The following SYNPO variants were observed in gnomAD, a reference collection of about 807,000 sequenced individuals.
SYNPO encodes the protein synaptopodin.
SYNPO carries 19 observed loss-of-function variants against 49.5 expected under a neutral mutation model. The ratio of observed to expected loss-of-function variants is 0.38; its 90% CI spans 0.27 to 0.56. SYNPO has a LOEUF of 0.56. SYNPO is among the 20% of genes least tolerant of loss of function. SYNPO has a pLI of 0.68. For synonymous variants in SYNPO, 536 were observed against 548.0 expected (o/e 0.98, Z 0.31); for missense variants, 1,131 against 1,248.3 (o/e 0.91, Z 1.42).
upstream of SYNPO, among the ~76,000 whole-genome samples, chr5:150,637,406 T>C (rs1326163471): frequency 3.9e-5 from 6 of 152,130 alleles, no homozygotes; most frequent in African/African-American, 1.4e-4. Flanking sequence ...TGATGAAAAA[T>C]GATAACACTG....
At chr5:150,623,832 G>A (rs143045525) in intron 2 of SYNPO, among the ~76,000 whole-genome samples, 2 of 152,228 alleles carry the variant, frequency 1.3e-5, no homozygotes, top group Non-Finnish European at 2.9e-5. Context: ...CCTGGTCAAG[G>A]GGGTGGGGAA....
At chr5:150,586,530 G>A in the SYNPO span, among the ~76,000 whole-genome samples, 1 of 152,014 alleles carries the variant, frequency 6.6e-6, no homozygotes, top group African/African-American at 2.4e-5. Flanking sequence ...GGGTAGGTAG[G>A]TGGATAAATA....
intron 2 of SYNPO, among the ~76,000 whole-genome samples, chr5:150,622,775 C>T (rs559282047): frequency 6.6e-5 from 10 of 152,218 alleles, no homozygotes; most frequent in Non-Finnish European, 1.3e-4. Flanking sequence ...AAGCTGCCTA[C>T]TCCCCCTCCA....
chr5:150,648,842 C>T lies in SYNPO; in HGVS notation c.567C>T (p.Ser189=). ...SSRPPASDFM[S]SSLLIDIQPN... ...GGCCCCCAGCCTCAGATTTCATGTC[C>T]AGCTCCCTGCTCATTGACATCCAGC... Residue 189 remains serine, a synonymous_variant, in exon 2 of 3, where the codon TCC becomes TCT. Transcript: ENST00000307662. The surrounding 1 kb of genome is among the most constrained non-coding windows in gnomAD (Gnocchi z 5.0). 1 of 1,614,242 alleles carries T rather than the reference C, an allele frequency of 6.2e-7. No individual in the cohort carries two copies. Among genetic ancestry groups the T allele is most frequent in the Non-Finnish European group, 8.5e-7 (1 of 1,180,038 alleles).
At chr5:150,597,646 T>G (rs1032220847), upstream of SYNPO, among the ~76,000 whole-genome samples, 3 of 150,694 alleles carry the variant, frequency 2.0e-5, no homozygotes, top group Non-Finnish European at 4.4e-5. Context: ...GTTTTTCTGG[T>G]TTTTGTTTTT....
chr5:150,621,255 A>G (rs896583907), intron 2 of SYNPO, among the ~76,000 whole-genome samples: 3 of 152,110 alleles, frequency 2.0e-5, no homozygotes, highest in African/African-American at 7.2e-5. Flanking sequence ...ACCAGGCCTC[A>G]TTCCTTTCTT....
chr5:150,631,351 A>AGGGCCTTGG (rs1757530468), intron 2 of SYNPO, among the ~76,000 whole-genome samples: 2 of 152,212 alleles, frequency 1.3e-5, no homozygotes, highest in Non-Finnish European at 2.9e-5. Flanking sequence ...ACCTGTGAAC[A>AGGGCCTTGG]GACCTGAAGG....
upstream of SYNPO, chr5:150,640,184 G>A: frequency 1.0e-6 from 1 of 985,208 alleles, no homozygotes; most frequent in South Asian, 4.7e-5. Context: ...AATACACAAG[G>A]TGGTGGTTAT....
chr5:150,648,573 C>T lies in SYNPO; in HGVS notation c.298C>T (p.Pro100Ser). Reference protein sequence around the residue: ...NPPATDVNQNPPATVVPQSLP... With the variant: ...NPPATDVNQNSPATVVPQSLP... ...GCCAGCCACCGATGTCAATCAGAAC[C>T]CACCGGCAACTGTTGTCCCACAGAG... Residue 100 changes from proline to serine, a missense_variant, in exon 2 of 3, where the codon CCA becomes TCA. By Grantham distance (74) the Pro-to-Ser change is moderately conservative. This residue lies in a region of SYNPO where 602 missense variants were observed against 720.7 expected (regional missense o/e 0.84). Transcript: ENST00000307662. This position sits in a 1 kb window ranked among gnomAD's most constrained non-coding sequence, Gnocchi z 5.0. 1 of 1,614,196 alleles carries T rather than the reference C, an allele frequency of 6.2e-7. No homozygotes were observed. The highest frequency in any genetic ancestry group is 8.5e-7 in the Non-Finnish European group (1 of 1,180,044).
At chr5:150,635,438 AAGG>A (rs1249758619) in intron 2 of SYNPO, among the ~76,000 whole-genome samples, 3 of 152,228 alleles carry the variant, frequency 2.0e-5, no homozygotes, top group African/African-American at 7.2e-5. Context: ...CAGAGCTCAG[AAGG>A]AGAAGGGCCA....
intron 2 of SYNPO, among the ~76,000 whole-genome samples, chr5:150,634,859 C>T (rs1488608662): frequency 6.4e-5 from 4 of 62,552 alleles, no homozygotes; most frequent in African/African-American, 3.5e-4. Context: ...CACACACACA[C>T]ACACCACACA....
chr5:150,631,715 A>G (rs748722976), intron 2 of SYNPO, among the ~76,000 whole-genome samples: 2 of 151,748 alleles, frequency 1.3e-5, no homozygotes, highest in Non-Finnish European at 2.9e-5. Flanking sequence ...CTATCGACAG[A>G]CCCCATTCAT....
chr5:150,607,983 A>G (rs1029020832), intron 1 of SYNPO, among the ~76,000 whole-genome samples: 4 of 152,270 alleles, frequency 2.6e-5, no homozygotes, highest in Admixed American at 6.5e-5. Context: ...TGGGCTAGCC[A>G]CATTTCAAGT....
At chr5:150,644,094 G>C (rs1273776034) in intron 1 of SYNPO, among the ~76,000 whole-genome samples, 1 of 150,990 alleles carries the variant, frequency 6.6e-6, no homozygotes, top group Non-Finnish European at 1.5e-5. Flanking sequence ...AGGATTACTT[G>C]ATCCTGGAAG....
chr5:150,601,669 C>T (rs1213044988), intron 1 of SYNPO, among the ~76,000 whole-genome samples: 1 of 152,152 alleles, frequency 6.6e-6, no homozygotes, highest in Non-Finnish European at 1.5e-5. Flanking sequence ...GGCCTAAGTC[C>T]TGGGCACACT....
chr5:150,597,752 C>A (rs1756449962), upstream of SYNPO, among the ~76,000 whole-genome samples: 1 of 152,232 alleles, frequency 6.6e-6, no homozygotes, highest in South Asian at 2.1e-4. Context: ...GATTCTCCTG[C>A]CTCAGCCTCC....
intron 1 of SYNPO, among the ~76,000 whole-genome samples, chr5:150,645,915 A>G (rs1307556218): frequency 6.6e-6 from 1 of 152,244 alleles, no homozygotes; most frequent in Non-Finnish European, 1.5e-5. Flanking sequence ...AAAGATGTGA[A>G]TTTTAAAATG....
intron 2 of SYNPO, among the ~76,000 whole-genome samples, chr5:150,654,614 C>T (rs1026526237): frequency 1.3e-5 from 2 of 152,200 alleles, no homozygotes; most frequent in African/African-American, 2.4e-5. Context: ...TGTTCACCAT[C>T]TTGGCCTCTC....
chr5:150,599,292 G>A (rs911304786), upstream of SYNPO, among the ~76,000 whole-genome samples: 9 of 152,254 alleles, frequency 5.9e-5, no homozygotes, highest in Admixed American at 5.9e-4. Flanking sequence ...ACACTTGCTA[G>A]TGGCATGGTG....
Sources: gnomAD v4.1 joint callset for allele counts (sites outside exome capture counted in the v4.1 genomes callset) on GRCh38, gnomAD v4.1.1 for gene constraint, gnomAD v4.1.1 regional missense constraint, Gnocchi (gnomAD v3.1) non-coding constraint, MANE v1.5 for transcripts, NCBI Gene and HGNC (gene_info 2026-07-23, HGNC 2026-07-21) for gene names.